Variants in RBMS3 observed in about 807,000 individuals in gnomAD.
The protein encoded by RBMS3 is RNA binding motif single stranded interacting protein 3, also known as RNA-binding motif, single-stranded-interacting protein 3.
RBMS3 carries 27 observed loss-of-function variants against 66.8 expected under a neutral mutation model. The observed-to-expected ratio is 0.40, with a 90% CI of 0.30 to 0.56. The LOEUF (loss-of-function observed/expected upper bound fraction) is 0.56, where lower values mean the gene tolerates loss of function less well. Among genes scored for constraint, RBMS3 ranks in the 20% least tolerant of loss-of-function variants. RBMS3 has a pLI of 0.40. For synonymous variants in RBMS3, 188 were observed against 183.0 expected (o/e 1.03, Z -0.22); for missense variants, 513 against 549.5 (o/e 0.93, Z 0.66).
At chr3:29,731,872 C>T (rs1269165912) in intron 4 of RBMS3, among the ~76,000 whole-genome samples, 2 of 152,004 alleles carry the variant, frequency 1.3e-5, no homozygotes, top group African/African-American at 2.4e-5. Flanking sequence ...AAGTCTCTCT[C>T]TGTCCTTCTG....
At chr3:29,346,443 G>A (rs931501611) in intron 1 of RBMS3, among the ~76,000 whole-genome samples, 14 of 112,620 alleles carry the variant, frequency 1.2e-4, no homozygotes, top group South Asian at 5.7e-4. Flanking sequence ...TTGCTTTGTC[G>A]CCCAGGCTGG....
intron 4 of RBMS3, among the ~76,000 whole-genome samples, chr3:29,599,194 A>G (rs2048063853): frequency 6.6e-6 from 1 of 151,536 alleles, no homozygotes; most frequent in Admixed American, 6.6e-5. Context: ...TGATAACATA[A>G]TAGGGTATCT....
intron 3 of RBMS3, among the ~76,000 whole-genome samples, chr3:29,496,950 G>A (rs1354240569): frequency 6.6e-6 from 1 of 152,056 alleles, no homozygotes; most frequent in Admixed American, 6.6e-5. Flanking sequence ...ATAGCCTTTA[G>A]TATTGTAACC....
chr3:29,384,411 A>G (rs1192360271), intron 1 of RBMS3, among the ~76,000 whole-genome samples: 1 of 107,926 alleles, frequency 9.3e-6, no homozygotes. Context: ...AAGTAAACAT[A>G]TACACCAATA....
chr3:29,768,823 C>T (rs2056050359), intron 6 of RBMS3, among the ~76,000 whole-genome samples: 1 of 151,830 alleles, frequency 6.6e-6, no homozygotes, highest in South Asian at 2.1e-4. Flanking sequence ...ATGAGGTTTC[C>T]TTTATTAGCA....
At chr3:29,888,378 C>T (rs2059922534) in intron 8 of RBMS3, among the ~76,000 whole-genome samples, 2 of 151,582 alleles carry the variant, frequency 1.3e-5, no homozygotes, top group African/African-American at 4.8e-5. Flanking sequence ...TGAAATTGGG[C>T]ATATTATCTT....
At chr3:29,378,254 C>T (rs2038578986) in intron 1 of RBMS3, among the ~76,000 whole-genome samples, 1 of 152,002 alleles carries the variant, frequency 6.6e-6, no homozygotes, top group Non-Finnish European at 1.5e-5. Flanking sequence ...GGGTGGATCA[C>T]GAGGTCAGGA....
chr3:29,298,790 A>G (rs1019326526), intron 1 of RBMS3, among the ~76,000 whole-genome samples: 4 of 151,948 alleles, frequency 2.6e-5, no homozygotes, highest in Non-Finnish European at 4.4e-5. Context: ...CTTCTAGTCC[A>G]GTACTGTATC....
At chr3:29,403,898 C>A (rs2039910515) in intron 1 of RBMS3, among the ~76,000 whole-genome samples, 1 of 152,028 alleles carries the variant, frequency 6.6e-6, no homozygotes. Context: ...CCAGTGATTT[C>A]TTTCTTCTCC....
intron 6 of RBMS3, among the ~76,000 whole-genome samples, chr3:29,774,121 G>A (rs1479145511): frequency 6.6e-6 from 1 of 151,940 alleles, no homozygotes; most frequent in Non-Finnish European, 1.5e-5. Context: ...GAGTTTTACA[G>A]TCTCATCTGT....
At chr3:29,647,491 C>T (rs2149207024) in intron 4 of RBMS3, among the ~76,000 whole-genome samples, 1 of 152,348 alleles carries the variant, frequency 6.6e-6, no homozygotes, top group South Asian at 2.1e-4. Context: ...GTTCCATTGT[C>T]ATGTTTCTAG....
chr3:29,741,040 CAAAAAA>C (rs369719098), intron 5 of RBMS3, among the ~76,000 whole-genome samples: 47 of 90,906 alleles, frequency 5.2e-4, no homozygotes, highest in African/African-American at 1.7e-3. Flanking sequence ...GACTCCATCT[CAAAAAA>C]AAAAAAAAAA....
chr3:29,628,513 T>C (rs2049153176), intron 4 of RBMS3, among the ~76,000 whole-genome samples: 1 of 152,100 alleles, frequency 6.6e-6, no homozygotes. Flanking sequence ...TTTGAATGAG[T>C]ACACCAACGT....
At chr3:29,430,360 C>T (rs965095114) in intron 1 of RBMS3, among the ~76,000 whole-genome samples, 3 of 152,002 alleles carry the variant, frequency 2.0e-5, no homozygotes, top group Non-Finnish European at 4.4e-5. Flanking sequence ...AAGAAAACCG[C>T]CTTTTTGTAT....
intron 4 of RBMS3, among the ~76,000 whole-genome samples, chr3:29,666,121 G>C (rs57512987): frequency 6.6e-6 from 1 of 152,044 alleles, no homozygotes; most frequent in African/African-American, 2.4e-5. Flanking sequence ...GTATTCTCCC[G>C]AATATCCATT....
At chr3:29,889,254 C>G (rs990934797) in intron 8 of RBMS3, among the ~76,000 whole-genome samples, 1 of 151,676 alleles carries the variant, frequency 6.6e-6, no homozygotes, top group African/African-American at 2.4e-5. Context: ...GCCCCACCAC[C>G]ACACACATAC....
chr3:29,648,478 G>T (rs2050026476), intron 4 of RBMS3, among the ~76,000 whole-genome samples: 1 of 151,532 alleles, frequency 6.6e-6, no homozygotes, highest in Non-Finnish European at 1.5e-5. Context: ...TTGCCATGTT[G>T]CCCAGGCTGG....
intron 5 of RBMS3, among the ~76,000 whole-genome samples, chr3:29,754,897 A>G (rs2055337642): frequency 2.0e-5 from 3 of 152,166 alleles, no homozygotes; most frequent in South Asian, 4.1e-4. Flanking sequence ...AATGCCTTAA[A>G]CAATTGCCCC....
At chr3:29,990,699 A>G (rs1356597413) in intron 13 of RBMS3, among the ~76,000 whole-genome samples, 1 of 152,214 alleles carries the variant, frequency 6.6e-6, no homozygotes, top group Admixed American at 6.5e-5. Flanking sequence ...CAAATGGTAT[A>G]GACATGATAC....
Sources: allele counts gnomAD v4.1 joint callset (sites outside exome capture counted in the v4.1 genomes callset), GRCh38; gene constraint gnomAD v4.1.1; transcripts MANE v1.5; gene names NCBI Gene and HGNC (gene_info 2026-07-23, HGNC 2026-07-21).